TNRC6B: variants seen among roughly 807,000 people sequenced by gnomAD.
TNRC6B encodes trinucleotide repeat containing adaptor 6B.
TNRC6B carries 52 observed loss-of-function variants against 203.6 expected under a neutral mutation model. The ratio of observed to expected loss-of-function variants is 0.26; its 90% confidence interval spans 0.20 to 0.32. TNRC6B has a LOEUF of 0.32. Ranked by LOEUF, TNRC6B falls within the 10% of genes least tolerant of loss-of-function variation. TNRC6B has a pLI of 1.00. For synonymous variants in TNRC6B, 838 were observed against 845.7 expected (o/e 0.99, Z 0.16); for missense variants, 1,923 against 2,286.2 (o/e 0.84, Z 3.24).
At chr22:40,175,471 C>G (rs983726614), upstream of TNRC6B, among the ~76,000 whole-genome samples, 3 of 152,140 alleles carry the variant, frequency 2.0e-5, no homozygotes, top group African/African-American at 4.8e-5. Flanking sequence ...TTAACACTTA[C>G]AAGGCAACAC....
chr22:40,132,370 A>AAGACC (rs1568992619), intron 3 of TNRC6B, among the ~76,000 whole-genome samples: 1 of 150,194 alleles, frequency 6.7e-6, no homozygotes, highest in African/African-American at 2.5e-5. Flanking sequence ...CATCTCAATA[A>AAGACC]AGACGAGACG....
At chr22:40,204,962 C>T (rs1376051094) in intron 1 of TNRC6B, among the ~76,000 whole-genome samples, 1 of 152,196 alleles carries the variant, frequency 6.6e-6, no homozygotes, top group Non-Finnish European at 1.5e-5. Context: ...AGTACAGGTA[C>T]ATTTTTATCT....
chr22:40,294,426 A>G (rs992795921), intron 12 of TNRC6B, among the ~76,000 whole-genome samples: 9 of 152,120 alleles, frequency 5.9e-5, no homozygotes. Context: ...TTCCCTCTTC[A>G]TATGAGGACA....
exon 3 of TNRC6B, chr22:40,125,791 G>A: frequency 3.7e-6 from 6 of 1,604,564 alleles, no homozygotes; most frequent in Non-Finnish European, 5.1e-6. Flanking sequence ...TTGTGTTTCT[G>A]CAGAGTTTTG....
intron 4 of TNRC6B, among the ~76,000 whole-genome samples, chr22:40,167,681 C>A (rs9611281): frequency 0.076 from 9,710 of 127,046 alleles, 448 homozygotes; most frequent in Non-Finnish European, 0.11. Flanking sequence ...AAAATTGAGA[C>A]CAGCATAGAT....
chr22:40,186,208 T>C (rs934123445), intron 1 of TNRC6B, among the ~76,000 whole-genome samples: 18 of 152,098 alleles, frequency 1.2e-4, no homozygotes, highest in Non-Finnish European at 5.9e-5. Flanking sequence ...ACGGTGGCTC[T>C]GAAGGACAGT....
Position 40,229,508 on chromosome 22 carries a change from A to T in TNRC6B, c.6-16507A>T, listed in dbSNP as rs181066593. On this transcript the variant is annotated intron_variant, in intron 1 of 22. Transcript: ENST00000454349. ...ACCTCCTTATTGAGGTATTATTGAC[A>T]TTTACAATGCGGTAAGTTTCAAACG... Among the ~76,000 whole-genome samples the T allele has an allele frequency of 2.2e-3, 325 of 150,592 alleles. 2 individuals carry two copies. The highest frequency in any genetic ancestry group is 6.8e-3 in the African/African-American group (279 of 40,788).
At chr22:40,262,204 A>G (rs563852341) in intron 4 of TNRC6B, 31 bp downstream of exon 4, 10 of 1,347,524 alleles carry the variant, frequency 7.4e-6, no homozygotes, top group Non-Finnish European at 9.7e-6. Flanking sequence ...AATGCATGGC[A>G]GCTTGACAGA....
chr22:40,274,192 A>G (rs1278412129), intron 7 of TNRC6B, among the ~76,000 whole-genome samples: 1 of 152,168 alleles, frequency 6.6e-6, no homozygotes, highest in Non-Finnish European at 1.5e-5. Flanking sequence ...CTCTCAAGGC[A>G]TACTTTATAA....
At chr22:40,197,481 G>A (rs2069355558) in intron 1 of TNRC6B, among the ~76,000 whole-genome samples, 1 of 151,806 alleles carries the variant, frequency 6.6e-6, no homozygotes, top group Non-Finnish European at 1.5e-5. Flanking sequence ...TAGAGACGGG[G>A]TTTCACTATG....
intron 3 of TNRC6B, among the ~76,000 whole-genome samples, chr22:40,135,511 G>A (rs1460217275): frequency 6.6e-6 from 1 of 151,300 alleles, no homozygotes; most frequent in Non-Finnish European, 1.5e-5. Context: ...ATTTTTTTTT[G>A]TTTAATAGAA....
At chr22:40,090,331 G>A (rs545027967) in intron 1 of TNRC6B, among the ~76,000 whole-genome samples, 6 of 151,824 alleles carry the variant, frequency 4.0e-5, no homozygotes, top group South Asian at 2.1e-4. Context: ...TCTCCATGTC[G>A]TTACCAGCAT....
At chr22:40,317,616 C>A (rs115383211) in intron 21 of TNRC6B, among the ~76,000 whole-genome samples, 1 of 152,128 alleles carries the variant, frequency 6.6e-6, no homozygotes, top group African/African-American at 2.4e-5. Flanking sequence ...TTTAACTCTC[C>A]GTCTATTATC....
chr22:40,288,108 C>G (rs529507237), intron 12 of TNRC6B, among the ~76,000 whole-genome samples: 1 of 152,376 alleles, frequency 6.6e-6, no homozygotes, highest in African/African-American at 2.4e-5. Flanking sequence ...TGCACACACA[C>G]TGTCTTAGAA....
At chr22:40,190,611 G>C (rs2069258662) in intron 1 of TNRC6B, among the ~76,000 whole-genome samples, 1 of 152,202 alleles carries the variant, frequency 6.6e-6, no homozygotes, top group Non-Finnish European at 1.5e-5. Flanking sequence ...AGGGAGAGAA[G>C]GTGCTTCTTG....
chr22:40,284,766 C>T (rs1212536367), intron 11 of TNRC6B, among the ~76,000 whole-genome samples: 1 of 152,182 alleles, frequency 6.6e-6, no homozygotes, highest in Non-Finnish European at 1.5e-5. Flanking sequence ...GACCTCCAAG[C>T]TGGGCCTTGA....
rs947165062 is a variant in TNRC6B at position 40,116,835 on chromosome 22, A to C, written c.-120-220A>C. Among the ~76,000 whole-genome samples, 4 of 152,196 alleles carry C rather than the reference A, an allele frequency of 2.6e-5. No homozygotes were observed. In the East Asian group the frequency reaches 7.7e-4, roughly 29 times the overall value. ...TCCTGCCCTGTACTAAGAGTTTTAC[A>C]CATACTTCATTTAAACTTCAAAAGA... On this transcript the variant is annotated intron_variant, in intron 1 of 23. Coordinates refer to the TNRC6B transcript ENST00000301923.
chr22:40,321,259 CA>C (rs763293639), intron 22 of TNRC6B, 30 bp downstream of exon 22: 2 of 1,607,034 alleles, frequency 1.2e-6, no homozygotes, highest in African/African-American at 2.7e-5. Context: ...CCCACGTAGA[CA>C]AACATGCATG....
chr22:40,141,538 C>A (rs2068644741), intron 3 of TNRC6B, among the ~76,000 whole-genome samples: 1 of 152,004 alleles, frequency 6.6e-6, no homozygotes, highest in South Asian at 2.1e-4. Context: ...TCTGTGTAAC[C>A]CTTTCCCAAG....
Sources: allele counts gnomAD v4.1 joint callset (sites outside exome capture counted in the v4.1 genomes callset), GRCh38; gene constraint gnomAD v4.1.1; transcripts MANE v1.5; gene names NCBI Gene and HGNC (gene_info 2026-07-23, HGNC 2026-07-21).